Variants in NCALD observed in about 807,000 individuals in gnomAD.
NCALD encodes neurocalcin delta.
Under a neutral mutation model 18.6 loss-of-function variants are expected in NCALD, and 10 were observed. The observed-to-expected ratio is 0.54, with a 90% CI of 0.33 to 0.91. The LOEUF (loss-of-function observed/expected upper bound fraction) is 0.91, where lower values mean the gene tolerates loss of function less well. Among genes scored for constraint, NCALD ranks in the 40% least tolerant of loss-of-function variants. The pLI is 0.03. For missense variants in NCALD, 184 were observed against 247.6 expected (o/e 0.74, Z 1.72); for synonymous variants, 88 against 87.4 (o/e 1.01, Z -0.04).
At position 101,690,909 on chromosome 8, in the gene NCALD, G is replaced by C. The variant is rs1388318016; in HGVS notation, c.485-1503C>G. 4.1e-6 allele frequency: 4 copies of C among 985,446 alleles called. No homozygotes were observed. In the African/African-American group the frequency reaches 7.0e-5, roughly 17 times the overall value. 61.0% of individuals were successfully genotyped at this position (985,446 alleles called of 1,614,324 possible). On this transcript the variant is annotated intron_variant, in intron 3 of 3. Transcript: ENST00000220931. ...TGGGAGGCACCAGCTGGAGGTAGCAGGGGCAGACCTGGAGCTCGGCATGAC... is the reference window on the plus strand; with the variant it reads ...TGGGAGGCACCAGCTGGAGGTAGCACGGGCAGACCTGGAGCTCGGCATGAC...
At chr8:101,719,013 C>T (rs1179035744) in intron 2 of NCALD, among the ~76,000 whole-genome samples, 2 of 152,140 alleles carry the variant, frequency 1.3e-5, no homozygotes, top group Admixed American at 6.5e-5. Flanking sequence ...TTAAATGCAC[C>T]TATGACCCGG....
At chr8:102,067,971 C>T (rs1487838333) in intron 1 of NCALD, among the ~76,000 whole-genome samples, 1 of 152,166 alleles carries the variant, frequency 6.6e-6, no homozygotes, top group Non-Finnish European at 1.5e-5. Context: ...TGTTGAATTG[C>T]ATTTCCATTT....
At chr8:101,982,157 T>G (rs186452584) in intron 2 of NCALD, among the ~76,000 whole-genome samples, 4 of 152,324 alleles carry the variant, frequency 2.6e-5, no homozygotes, top group Admixed American at 2.6e-4. Flanking sequence ...GTGCCATGCT[T>G]GTACACCCTT....
chr8:102,023,007 G>C (rs1822328654), intron 1 of NCALD, among the ~76,000 whole-genome samples: 1 of 152,130 alleles, frequency 6.6e-6, no homozygotes, highest in Non-Finnish European at 1.5e-5. Context: ...TGGCAACCAA[G>C]TCCCATCAGC....
chr8:101,804,683 AAATT>A (rs1420175093), intron 4 of NCALD, among the ~76,000 whole-genome samples: 3 of 72,412 alleles, frequency 4.1e-5, no homozygotes, highest in Admixed American at 2.9e-4. Context: ...TATAATTAAT[AAATT>A]AATACCTAAT....
intron 4 of NCALD, among the ~76,000 whole-genome samples, chr8:101,797,482 G>C (rs537190274): frequency 6.6e-6 from 1 of 152,210 alleles, no homozygotes; most frequent in South Asian, 2.1e-4. Flanking sequence ...AAAGGAAAAA[G>C]TGCAAATTTT....
chr8:101,850,246 A>G (rs1336152915), intron 4 of NCALD, among the ~76,000 whole-genome samples: 1 of 152,118 alleles, frequency 6.6e-6, no homozygotes, highest in Non-Finnish European at 1.5e-5. Flanking sequence ...TAATATCCTG[A>G]AGCACTCCTT....
intron 4 of NCALD, among the ~76,000 whole-genome samples, chr8:101,796,507 T>C (rs2212701): frequency 0.64 from 96,631 of 151,952 alleles, 33,019 homozygotes; most frequent in Non-Finnish European, 0.76. Context: ...AGGAAAATAT[T>C]AAAATTAAGT....
Position 101,891,850 on chromosome 8 carries a change from T to A in NCALD, c.-106-4623A>T, listed in dbSNP as rs1473857811. Reference sequence around the variant, plus strand: ...CACGAGATTATATCCCACACCTGGCTCGGAGGGTCCTACGCCCACGGAATC... The same window carrying A: ...CACGAGATTATATCCCACACCTGGCACGGAGGGTCCTACGCCCACGGAATC... On this transcript the variant is annotated intron_variant, in intron 3 of 6. Transcript: ENST00000311028. Among the ~76,000 whole-genome samples, 5 of 152,146 alleles carry A rather than the reference T, an allele frequency of 3.3e-5. 1 individual carries two copies. Among genetic ancestry groups the A allele is most frequent in the Admixed American group, 3.3e-4 (5 of 15,280 alleles).
At chr8:101,964,387 T>A (rs183535826) in intron 2 of NCALD, among the ~76,000 whole-genome samples, 13 of 152,186 alleles carry the variant, frequency 8.5e-5, no homozygotes, top group Non-Finnish European at 1.5e-4. Flanking sequence ...CCAACAGAAA[T>A]TTTTATTTCT....
intron 4 of NCALD, among the ~76,000 whole-genome samples, chr8:101,812,964 GA>G (rs1348615815): frequency 6.6e-6 from 1 of 151,800 alleles, no homozygotes; most frequent in South Asian, 2.1e-4. Context: ...CCTGAAAATG[GA>G]AAAAAAACTT....
Position 101,689,204 on chromosome 8 carries a change from G to T in NCALD, c.*105C>A, listed in dbSNP as rs1480207167. ...AGGCGCATCAGACCGCACAGGGGAC[G>T]GCATCACCATTGATATTGTTTGGCA... On this transcript the variant is annotated 3_prime_UTR_variant, in exon 4 of 4. Transcript: ENST00000220931. The surrounding 1 kb of genome is among the most constrained non-coding windows in gnomAD (Gnocchi z 4.4). 1 of 1,019,036 alleles carries T rather than the reference G, an allele frequency of 9.8e-7. No individual in the cohort carries two copies. Among genetic ancestry groups the T allele is most frequent in the Non-Finnish European group, 1.5e-6 (1 of 669,780 alleles). 63.1% of individuals were successfully genotyped at this position (1,019,036 alleles called of 1,614,324 possible).
At chr8:102,000,088 T>C (rs1314037234) in intron 2 of NCALD, among the ~76,000 whole-genome samples, 1 of 152,154 alleles carries the variant, frequency 6.6e-6, no homozygotes, top group Non-Finnish European at 1.5e-5. Flanking sequence ...GGGCGAGGCA[T>C]TGCCTCACCC....
At chr8:101,934,617 G>A (rs1237603672) in intron 2 of NCALD, among the ~76,000 whole-genome samples, 2 of 152,040 alleles carry the variant, frequency 1.3e-5, no homozygotes, top group Non-Finnish European at 2.9e-5. Context: ...GTACTGAAAG[G>A]GACAATAGAA....
chr8:101,865,173 G>A (rs547899189), intron 4 of NCALD, among the ~76,000 whole-genome samples: 1 of 152,272 alleles, frequency 6.6e-6, no homozygotes, highest in South Asian at 2.1e-4. Flanking sequence ...TTTGAATGAT[G>A]AAAACTCACG....
rs138707260 is a variant in NCALD at position 101,930,650 on chromosome 8, C to A, written c.-156-14792G>T. 6.2e-3 allele frequency among the ~76,000 whole-genome samples: 944 copies of A among 152,176 alleles called. 9 individuals are homozygous for A. Among genetic ancestry groups the A allele is most frequent in the African/African-American group, 0.021 (887 of 41,532 alleles). On this transcript the variant is annotated intron_variant, in intron 2 of 6. Transcript: ENST00000311028. The stretch of plus-strand genomic sequence containing the variant: ...GAGAGCTCACATCTCCTGTTCCACA[C>A]AACCCATCAACACAGAGCGCACACA...
intron 1 of NCALD, among the ~76,000 whole-genome samples, chr8:102,024,999 G>T (rs148407155): frequency 1.3e-5 from 2 of 152,208 alleles, no homozygotes; most frequent in East Asian, 3.9e-4. Flanking sequence ...AACTCCAAAA[G>T]AGCCCATGTA....
intron 4 of NCALD, among the ~76,000 whole-genome samples, chr8:101,870,629 C>T (rs149949847): frequency 5.9e-5 from 9 of 152,258 alleles, no homozygotes; most frequent in Non-Finnish European, 1.2e-4. Flanking sequence ...CTCATCACTG[C>T]TGCTGCTGAG....
At chr8:101,836,163 AAGAC>A (rs1392980409) in intron 4 of NCALD, among the ~76,000 whole-genome samples, 30 of 152,296 alleles carry the variant, frequency 2.0e-4, no homozygotes, top group African/African-American at 6.5e-4. Context: ...GAAGGAGATA[AAGAC>A]AGACAGTGGA....
Sources: allele counts gnomAD v4.1 joint callset (sites outside exome capture counted in the v4.1 genomes callset), GRCh38; gene constraint gnomAD v4.1.1; non-coding constraint Gnocchi (gnomAD v3.1); transcripts MANE v1.5; gene names NCBI Gene and HGNC (gene_info 2026-07-23, HGNC 2026-07-21).